FBH1: variants seen among roughly 807,000 people sequenced by gnomAD.
The protein encoded by FBH1 is F-box DNA helicase 1, also known as DNA 3'-5' helicase 1.
A neutral mutation model predicts 115.5 loss-of-function variants in FBH1; 43 were observed. The observed-to-expected ratio is 0.37, with a 90% confidence interval of 0.29 to 0.48. FBH1 has a LOEUF of 0.48. FBH1 is among the 20% of genes least tolerant of loss of function. FBH1 has a pLI of 0.99. For missense variants in FBH1, 1,001 were observed against 1,337.3 expected (o/e 0.75, Z 3.92); for synonymous variants, 524 against 507.8 (o/e 1.03, Z -0.43).
chr10:5,934,753 GC>G (rs780342146), intron 19 of FBH1: 3 of 152,320 alleles, frequency 2.0e-5, no homozygotes, highest in Non-Finnish European at 2.9e-5. Context: ...TTGCTTTGTT[GC>G]CCAGGCTGGA....
In FBH1 at chr10:5,911,143, G is replaced by A. The variant is rs556202914; in HGVS notation, c.1211+15G>A. ...ATCAGCAATAGGTAATGCCCCGGGA[G>A]GAGGGGAGGGGATGCTGTGATAATG... On this transcript the variant is annotated intron_variant, in intron 6 of 20. Transcript: ENST00000362091. This position sits in a 1 kb window ranked among gnomAD's most constrained non-coding sequence, Gnocchi z 5.4. The A allele has an allele frequency of 1.3e-6, 2 of 1,599,900 alleles. No homozygotes were observed. The highest frequency in any genetic ancestry group is 1.1e-5 in the South Asian group (1 of 89,894).
rs1833356338 is a variant in FBH1 at position 5,936,404 on chromosome 10, G to A, written c.2830-52G>A. On this transcript the variant is annotated intron_variant, in intron 19 of 20. Transcript: ENST00000362091. This position sits in a 1 kb window ranked among gnomAD's most constrained non-coding sequence, Gnocchi z 5.6. ...GCCGCCGCTATCAGTGTTTCCAGTAGACCCTAACGGAGGTGTCGCCATGAC... is the reference window on the plus strand; with the variant it reads ...GCCGCCGCTATCAGTGTTTCCAGTAAACCCTAACGGAGGTGTCGCCATGAC... The A allele has an allele frequency of 9.4e-6, 15 of 1,597,704 alleles. No individual in the cohort carries two copies. The highest frequency in any genetic ancestry group is 1.1e-5 in the Non-Finnish European group (13 of 1,170,746).
Position 5,936,573 on chromosome 10 carries a change from C to T in FBH1, c.2947C>T (p.Leu983=). The change falls in exon 20 of 21, where the codon CTG becomes TTG. Residue 983 remains leucine (L), a synonymous_variant. Transcript: ENST00000362091. The surrounding 1 kb of genome is among the most constrained non-coding windows in gnomAD (Gnocchi z 5.6). ...PVDTVLTMKK[L]PITYSNRKEN... ...TGACACCGTCCTTACCATGAAGAAG[C>T]TGCCCATCACCTATGTACGTCTGCT... 1 of 1,614,152 alleles carries T rather than the reference C, an allele frequency of 6.2e-7. No individual in the cohort carries two copies. The highest frequency in any genetic ancestry group is 8.5e-7 in the Non-Finnish European group (1 of 1,179,978).
At position 5,927,333 on chromosome 10, in the gene FBH1, C is replaced by T. The variant is rs142828004; in HGVS notation, c.2723-102C>T. 2.5e-4 allele frequency: 191 copies of T among 776,734 alleles called. 1 individual carries two copies. Among genetic ancestry groups the T allele is most frequent in the African/African-American group, 2.3e-3 (128 of 56,360 alleles). The allele number at this position is 776,734 out of a possible 1,614,324, so 48.1% of individuals were successfully genotyped here. A position where few individuals can be genotyped will look rare whatever the true frequency, so the allele number is the denominator to read the frequency against. On this transcript the variant is annotated intron_variant, in intron 18 of 20. Coordinates refer to ENST00000362091, the MANE Select transcript of FBH1 (RefSeq NM_178150.3). The stretch of plus-strand genomic sequence containing the variant: ...CCAACAAATGTTGAGTGGTTTTCTG[C>T]GGGGAATGGGTGGGGGCTAGTAAAC...
Position 5,924,493 on chromosome 10 carries a change from G to C in FBH1, c.2581G>C (p.Asp861His). Residue 861 changes from aspartate (D) to histidine (H), a missense_variant, in exon 17 of 21, where the codon GAT becomes CAT. Asp to His is a moderately conservative substitution (Grantham distance 81, BLOSUM62 -1). Transcript: ENST00000362091. The surrounding 1 kb of genome is among the most constrained non-coding windows in gnomAD (Gnocchi z 6.2). Reference sequence around the variant, plus strand: ...AAGGATAGAAAAATGCCATATAGAAGATTTGGACTTTGCAGGTAAGGGAAG... The same window carrying C: ...AAGGATAGAAAAATGCCATATAGAACATTTGGACTTTGCAGGTAAGGGAAG... ...VQRIEKCHIE[D>H]LDFAEYILGT... is the part of the protein sequence containing the mutation. 1 of 1,613,764 alleles carries C rather than the reference G, an allele frequency of 6.2e-7. No homozygotes were observed. The highest frequency in any genetic ancestry group is 8.5e-7 in the Non-Finnish European group (1 of 1,179,888).
Position 5,918,244 on chromosome 10 carries a change from G to T in FBH1, c.1964-98G>T. ...AAAAGGCGACCGTGAGGTCCAGTGT[G>T]CCCTGGCTTAGCTTCGTGGAAGTGT... is the stretch of plus-strand genomic sequence containing the variant. On this transcript the variant is annotated intron_variant, in intron 12 of 20. Transcript: ENST00000362091. This position sits in a 1 kb window ranked among gnomAD's most constrained non-coding sequence, Gnocchi z 4.0. 6.8e-7 allele frequency: 1 copy of T among 1,470,276 alleles called. No homozygotes were observed. Among genetic ancestry groups the T allele is most frequent in the South Asian group, 1.2e-5 (1 of 81,208 alleles). The allele number at this position is 1,470,276 out of a possible 1,614,324, so 91.1% of individuals were successfully genotyped here. A position where few individuals can be genotyped will look rare whatever the true frequency, so the allele number is the denominator to read the frequency against.
rs193921138 is a variant in FBH1 at position 5,921,264 on chromosome 10, C to T, written c.2107C>T (p.Arg703Trp). 2 of 1,613,918 alleles carry T rather than the reference C, an allele frequency of 1.2e-6. No individual in the cohort carries two copies. Among genetic ancestry groups the T allele is most frequent in the Non-Finnish European group, 1.7e-6 (2 of 1,179,948 alleles). Reference sequence around the variant, plus strand: ...TCTGTCTTGTTGTTTTCAGAGTTTTCGGTTTGGTGTGGAAATAGCTTATGT... The same window carrying T: ...TCTGTCTTGTTGTTTTCAGAGTTTTTGGTTTGGTGTGGAAATAGCTTATGT... ...THVFYLTQSF[R>W]FGVEIAYVGA... The change falls in exon 14 of 21, where the codon CGG becomes TGG. Residue 703 changes from arginine (R) to tryptophan (W), a missense_variant. Transcript: ENST00000362091. The surrounding 1 kb of genome is among the most constrained non-coding windows in gnomAD (Gnocchi z 6.4).
intron 1 of FBH1, among the ~76,000 whole-genome samples, chr10:5,890,602 G>A (rs1655584769): frequency 6.6e-6 from 1 of 151,676 alleles, no homozygotes; most frequent in African/African-American, 2.4e-5. Context: ...CCCCCGCGCT[G>A]CCCCCCGAGG....
chr10:5,924,957 CAG>C lies in FBH1; in HGVS notation c.2597-409_2597-408del, dbSNP rs1564458968. Among the ~76,000 whole-genome samples the C allele has an allele frequency of 6.6e-6, 1 of 152,164 alleles. No individual in the cohort carries two copies. The highest frequency in any genetic ancestry group is 1.5e-5 in the Non-Finnish European group (1 of 68,018). On this transcript the variant is annotated intron_variant, in intron 17 of 20. Coordinates refer to ENST00000362091, the MANE Select transcript of FBH1 (RefSeq NM_178150.3). This position sits in a 1 kb window ranked among gnomAD's most constrained non-coding sequence, Gnocchi z 6.2. ...GGGGAGCAGAGTCCTGGTTCTTCCT[CAG>C]GGGCTCTTTATTCTGTTCTACTTTC...
Position 5,906,083 on chromosome 10 carries a change from G to A in FBH1, c.204G>A (p.Lys68=). The change falls in exon 3 of 21, where the codon AAG becomes AAA. Residue 68 remains lysine, a synonymous_variant. Coordinates refer to ENST00000362091, the MANE Select transcript of FBH1 (RefSeq NM_178150.3). The surrounding 1 kb of genome is among the most constrained non-coding windows in gnomAD (Gnocchi z 7.3). ...TCCCTGAGTTCTTCCTAGCAGGCAAGCAGCCGTGCACCAATGACATGGCCA... is the reference window on the plus strand; with the variant it reads ...TCCCTGAGTTCTTCCTAGCAGGCAAACAGCCGTGCACCAATGACATGGCCA... ...RCIPEFFLAG[K]QPCTNDMAKS... The A allele has an allele frequency of 6.2e-7, 1 of 1,612,808 alleles. No individual in the cohort carries two copies. Among genetic ancestry groups the A allele is most frequent in the South Asian group, 1.1e-5 (1 of 91,074 alleles).
chr10:5,930,345 G>A (rs768538978), intron 19 of FBH1, among the ~76,000 whole-genome samples: 35 of 152,270 alleles, frequency 2.3e-4, no homozygotes, highest in Middle Eastern at 3.4e-3. Context: ...AGAGCTGTAC[G>A]GGACTCCCTC....
rs766770325 is a variant in FBH1, at chr10:5,917,522, A to G, written c.1876+15A>G. On this transcript the variant is annotated intron_variant, in intron 11 of 20. Coordinates refer to ENST00000362091, the MANE Select transcript of FBH1 (RefSeq NM_178150.3). This position sits in a 1 kb window ranked among gnomAD's most constrained non-coding sequence, Gnocchi z 5.6. ...GACTCATGACGGTAGGCGGCTGCCG[A>G]ATGGCGGGGACTGGCCAATGGGACT... 5 of 1,613,970 alleles carry G rather than the reference A, an allele frequency of 3.1e-6. No individual in the cohort carries two copies. Among genetic ancestry groups the G allele is most frequent in the Non-Finnish European group, 4.2e-6 (5 of 1,179,906 alleles).
rs1027729072 is a variant in FBH1 at position 5,925,173 on chromosome 10, C to T, written c.2597-194C>T. ...GCAACTAATTTTCGACTTTTCCCCT[C>T]GTCTTTTTCTTTTTTCTGTTCCCGA... On this transcript the variant is annotated intron_variant, in intron 17 of 20. Transcript: ENST00000362091. The surrounding 1 kb of genome is among the most constrained non-coding windows in gnomAD (Gnocchi z 4.6). 30 of 655,410 alleles carry T rather than the reference C, an allele frequency of 4.6e-5. No homozygotes were observed. Among genetic ancestry groups the T allele is most frequent in the East Asian group, 1.2e-4 (4 of 32,768 alleles). The allele number at this position is 655,410 out of a possible 1,614,324, so 40.6% of individuals were successfully genotyped here. A position where few individuals can be genotyped will look rare whatever the true frequency, so the allele number is the denominator to read the frequency against.
Position 5,913,002 on chromosome 10 carries a change from C to T in FBH1, c.1212-745C>T, listed in dbSNP as rs890965330. On this transcript the variant is annotated intron_variant, in intron 6 of 20. Coordinates refer to ENST00000362091, the MANE Select transcript of FBH1 (RefSeq NM_178150.3). This position sits in a 1 kb window ranked among gnomAD's most constrained non-coding sequence, Gnocchi z 4.4. ...GGCTTGGAGATGGGCTCTTTTCGCT[C>T]TGGGGATGGGGGGCAGTGCACTCGA... 2.6e-4 allele frequency among the ~76,000 whole-genome samples: 39 copies of T among 152,090 alleles called. No homozygotes were observed. Among genetic ancestry groups the T allele is most frequent in the Non-Finnish European group, 5.0e-4 (34 of 68,018 alleles).
upstream of FBH1, chr10:5,890,127 G>C (rs577118836): frequency 1.2e-5 from 4 of 324,526 alleles, no homozygotes; most frequent in Admixed American, 4.9e-5. Context: ...GCCCCCTCCG[G>C]TCTCGCGTCC....
chr10:5,927,104 G>T (rs186690176), intron 18 of FBH1, among the ~76,000 whole-genome samples: 2 of 152,206 alleles, frequency 1.3e-5, no homozygotes, highest in African/African-American at 4.8e-5. Context: ...CGGTTTCCCC[G>T]TCTGTCTCAC....
At chr10:5,891,801 G>A (rs908230302) in intron 1 of FBH1, among the ~76,000 whole-genome samples, 8 of 152,046 alleles carry the variant, frequency 5.3e-5, no homozygotes, top group Non-Finnish European at 8.8e-5. Context: ...TAGTAGAGAC[G>A]GGGTTTCACC....
intron 2 of FBH1, among the ~76,000 whole-genome samples, chr10:5,904,583 C>T (rs1366556526): frequency 6.6e-6 from 1 of 152,146 alleles, no homozygotes; most frequent in African/African-American, 2.4e-5. Flanking sequence ...TGGCTGGGAG[C>T]AGTAGCTCAT....
intron 18 of FBH1, 24 bp from the exon 19 acceptor site, chr10:5,927,411 T>A (rs1382781540): frequency 6.4e-7 from 1 of 1,564,342 alleles, no homozygotes; most frequent in Non-Finnish European, 8.7e-7. Flanking sequence ...TTTAGTTGAT[T>A]TTTTTCCCCT....
Sources: gnomAD v4.1 joint callset for allele counts (sites outside exome capture counted in the v4.1 genomes callset) on GRCh38, gnomAD v4.1.1 for gene constraint, Gnocchi (gnomAD v3.1) non-coding constraint, MANE v1.5 for transcripts, NCBI Gene and HGNC (gene_info 2026-07-23, HGNC 2026-07-21) for gene names.